UTRN: variants seen among roughly 807,000 people sequenced by gnomAD.
UTRN encodes the protein utrophin, also known as dystrophin-related protein 1.
In UTRN, 283 loss-of-function variants were observed where a neutral mutation model predicts 463.9. That is an observed-to-expected ratio of 0.61 (90% CI 0.55 to 0.67). The LOEUF is 0.67. UTRN is among the 30% of genes least tolerant of loss of function. The pLI, the probability that UTRN is intolerant of heterozygous loss-of-function variation, is 0.00. For missense variants in UTRN, 3,922 were observed against 4,084.3 expected (o/e 0.96, Z 1.08); for synonymous variants, 1,442 against 1,431.5 (o/e 1.01, Z -0.17).
intron 62 of UTRN, 94 bp downstream of exon 62, chr6:144,789,373 G>A: frequency 9.4e-7 from 1 of 1,068,246 alleles, no homozygotes; most frequent in Non-Finnish European, 1.3e-6. Context: ...TTTGTTAGTA[G>A]TAATAGTTCT....
Position 144,748,509 on chromosome 6 carries a change from A to G in UTRN, c.8203A>G (p.Ile2735Val). The G allele has an allele frequency of 2.5e-6, 4 of 1,612,416 alleles. No homozygotes were observed. The highest frequency in any genetic ancestry group is 1.7e-6 in the Non-Finnish European group (2 of 1,179,398). The change falls in exon 55 of 75, where the codon ATC becomes GTC. Residue 2735 changes from isoleucine (I) to valine (V), a missense_variant. By Grantham distance (29) the Ile-to-Val change is conservative (BLOSUM62 3). Around this residue, in one of 3 missense-constraint regions of UTRN, gnomAD observed 1,309 missense variants for 1,452.6 expected, o/e 0.90. Transcript: ENST00000367545. Reference protein sequence around the residue: ...IDSLQDHIEKIMAFREEIAPI... With the variant: ...IDSLQDHIEKVMAFREEIAPI... ...CTCGCTGCAGGATCACATTGAAAAA[A>G]TCATGGTCAGCATCATTGTCTTTGA...
At chr6:144,723,144 C>A (rs1475549856) in intron 53 of UTRN, among the ~76,000 whole-genome samples, 1 of 152,032 alleles carries the variant, frequency 6.6e-6, no homozygotes, top group Non-Finnish European at 1.5e-5. Flanking sequence ...CAGATCAGTT[C>A]CTTATTTATC....
intron 25 of UTRN, among the ~76,000 whole-genome samples, chr6:144,477,533 T>TACACACACAC (rs10651559): frequency 1.2e-4 from 17 of 146,850 alleles, no homozygotes; most frequent in South Asian, 6.6e-4. Flanking sequence ...TTTCTCTTTA[T>TACACACACAC]ACACACACAC....
Position 144,635,514 on chromosome 6 carries a change from CTTTTTTT to C in UTRN, c.7480-42883_7480-42877del, listed in dbSNP as rs1402815648. Among the ~76,000 whole-genome samples, 228 of 80,026 alleles carry C rather than the reference CTTTTTTT, an allele frequency of 2.8e-3. 1 individual carries two copies. The highest frequency in any genetic ancestry group is 0.01 in the African/African-American group (212 of 20,518). The allele number at this position is 80,026 out of a possible 152,430, so 52.5% of individuals were successfully genotyped here. ...TACTTAGCAGCTAGCCTTTTTTTTT[CTTTTTTT>C]TTTTTTTTCTTTTCTTTTTTTTTTT... On this transcript the variant is annotated intron_variant, in intron 51 of 74. Coordinates refer to ENST00000367545, the MANE Select transcript of UTRN (RefSeq NM_007124.3).
intron 9 of UTRN, among the ~76,000 whole-genome samples, chr6:144,434,301 C>T (rs962225248): frequency 6.9e-6 from 1 of 145,646 alleles, no homozygotes; most frequent in Non-Finnish European, 1.5e-5. Flanking sequence ...CAGTACAGTC[C>T]AGCTTCGGCT....
At chr6:144,548,446 G>T (rs1034575552) in intron 46 of UTRN, among the ~76,000 whole-genome samples, 194 bp from the exon 47 acceptor site, 1 of 151,974 alleles carries the variant, frequency 6.6e-6, no homozygotes, top group Non-Finnish European at 1.5e-5. Context: ...TGTTTTGTTG[G>T]CTTGATAGCT....
intron 51 of UTRN, among the ~76,000 whole-genome samples, chr6:144,589,413 A>G (rs566160938): frequency 1.4e-4 from 22 of 152,272 alleles, no homozygotes; most frequent in Non-Finnish European, 3.1e-4. Context: ...TAGGAAAGAA[A>G]TTTGTTTTGC....
At chr6:144,562,533 C>T (rs1244207046) in intron 50 of UTRN, among the ~76,000 whole-genome samples, 1 of 152,146 alleles carries the variant, frequency 6.6e-6, no homozygotes, top group Non-Finnish European at 1.5e-5. Flanking sequence ...AGGACATGAT[C>T]TCATTCCTTT....
intron 33 of UTRN, among the ~76,000 whole-genome samples, chr6:144,494,040 A>G (rs1793334077): frequency 6.6e-6 from 1 of 152,164 alleles, no homozygotes; most frequent in Non-Finnish European, 1.5e-5. Flanking sequence ...TCAGGCTAAT[A>G]TTTATACTTT....
chr6:144,703,031 C>T (rs1008808929), intron 53 of UTRN, among the ~76,000 whole-genome samples: 5 of 152,070 alleles, frequency 3.3e-5, no homozygotes, highest in Non-Finnish European at 5.9e-5. Context: ...TAGAGGAGTT[C>T]AGCACTATTT....
chr6:144,430,383 A>G (rs892165860), intron 9 of UTRN, among the ~76,000 whole-genome samples: 2 of 152,186 alleles, frequency 1.3e-5, no homozygotes, highest in African/African-American at 4.8e-5. Flanking sequence ...GTTTTAGTCT[A>G]GCCAGTCCTT....
At chr6:144,318,445 C>G (rs1182962592) in intron 2 of UTRN, among the ~76,000 whole-genome samples, 2 of 152,006 alleles carry the variant, frequency 1.3e-5, no homozygotes, top group African/African-American at 4.8e-5. Flanking sequence ...CAGGTGCCTA[C>G]CACTACGCCT....
At chr6:144,434,725 T>C (rs1159747698) in intron 9 of UTRN, among the ~76,000 whole-genome samples, 1 of 152,086 alleles carries the variant, frequency 6.6e-6, no homozygotes, top group Non-Finnish European at 1.5e-5. Context: ...GAACTTAATT[T>C]TGAGGAGATT....
At chr6:144,439,862 G>T (rs1301026395) in intron 12 of UTRN, among the ~76,000 whole-genome samples, 1 of 152,148 alleles carries the variant, frequency 6.6e-6, no homozygotes, top group Non-Finnish European at 1.5e-5. Context: ...AAAGGCGAGA[G>T]AATCTAAGGT....
intron 53 of UTRN, among the ~76,000 whole-genome samples, chr6:144,705,985 G>T (rs919632534): frequency 1.3e-5 from 2 of 151,882 alleles, no homozygotes; most frequent in Admixed American, 6.6e-5. Context: ...AATATTTAAA[G>T]AAGTGTGGTA....
intron 6 of UTRN, among the ~76,000 whole-genome samples, chr6:144,425,837 T>C (rs1177328393): frequency 6.6e-6 from 1 of 152,250 alleles, no homozygotes; most frequent in Non-Finnish European, 1.5e-5. Flanking sequence ...TACTATAAAA[T>C]GTTAGTTCTA....
chr6:144,817,514 TCTTTC>T (rs1779194499), intron 65 of UTRN, among the ~76,000 whole-genome samples: 1 of 152,146 alleles, frequency 6.6e-6, no homozygotes, highest in Admixed American at 6.5e-5. Flanking sequence ...CTTTTTTCTT[TCTTTC>T]TTTTTCTTTT....
At position 144,533,460 on chromosome 6, in the gene UTRN, A is replaced by G. The variant is rs1797243855; in HGVS notation, c.6233+200A>G. Among the ~76,000 whole-genome samples, 3 of 152,156 alleles carry G rather than the reference A, an allele frequency of 2.0e-5. 1 individual carries two copies. The highest frequency in any genetic ancestry group is 2.0e-4 in the Admixed American group (3 of 15,268). On this transcript the variant is annotated intron_variant, in intron 43 of 74. Transcript: ENST00000367545. ...AGTCTCACTTTTCTACTCAAATGCT[A>G]CATATGTAAAAACCAAACACCTTTA...
At chr6:144,534,118 T>A (rs1462647467) in intron 43 of UTRN, among the ~76,000 whole-genome samples, 1 of 152,238 alleles carries the variant, frequency 6.6e-6, no homozygotes, top group Non-Finnish European at 1.5e-5. Flanking sequence ...CAACCTAAAA[T>A]ATTCAAGTAT....
Sources: allele counts gnomAD v4.1 joint callset (sites outside exome capture counted in the v4.1 genomes callset), GRCh38; gene constraint gnomAD v4.1.1; regional missense constraint gnomAD v4.1.1; transcripts MANE v1.5; gene names NCBI Gene and HGNC (gene_info 2026-07-23, HGNC 2026-07-21).